The following ABI3 variants were observed in gnomAD, a reference collection of about 807,000 sequenced individuals.
ABI3 encodes the protein ABI gene family member 3.
A neutral mutation model predicts 37.0 loss-of-function variants in ABI3; 24 were observed. The ratio of observed to expected loss-of-function variants is 0.65; its 90% confidence interval spans 0.47 to 0.91. The LOEUF (loss-of-function observed/expected upper bound fraction) is 0.91, where lower values mean the gene tolerates loss of function less well. Among genes scored for constraint, ABI3 ranks in the 40% least tolerant of loss-of-function variants. ABI3 has a pLI of 0.00. For synonymous variants in ABI3, 220 were observed against 211.8 expected, an observed-to-expected ratio of 1.04 and a Z score of -0.34; for missense variants, 481 against 485.1, an observed-to-expected ratio of 0.99 and a Z score of 0.08.
chr17:49,219,650 T>C lies in ABI3; in HGVS notation c.548+25T>C. On this transcript the variant is annotated intron_variant, in intron 4 of 7. Transcript: ENST00000225941. The surrounding 1 kb of genome is among the most constrained non-coding windows in gnomAD (Gnocchi z 4.3). ...GGTGAGGCCTCGCCGCGACGCCAACTAGCCTAGCCCTGCCCCGCGCGACCC... is the reference window on the plus strand; with the variant it reads ...GGTGAGGCCTCGCCGCGACGCCAACCAGCCTAGCCCTGCCCCGCGCGACCC... The C allele has an allele frequency of 6.4e-7, 1 of 1,574,306 alleles. No individual in the cohort carries two copies. The highest frequency in any genetic ancestry group is 8.6e-7 in the Non-Finnish European group (1 of 1,157,034).
chr17:49,222,169 C>G lies in ABI3; in HGVS notation c.881C>G (p.Pro294Arg), dbSNP rs527835287. Residue 294 changes from proline (P) to arginine (R), a missense_variant, in exon 7 of 8, where the codon CCA (proline) becomes CGA (arginine). Pro to Arg is a moderately radical substitution (Grantham distance 103, BLOSUM62 -2). Coordinates refer to ENST00000225941, the MANE Select transcript of ABI3 (RefSeq NM_016428.3). ...DGDELGLPPP[P>R]PGFGPDEPSW... ...GATGAATTGGGGCTGCCTCCACCCC[C>G]ACCAGGATTTGGGCCTGATGAGCCC... 7 of 1,613,926 alleles carry G rather than the reference C, an allele frequency of 4.3e-6. No individual in the cohort carries two copies. In the South Asian group the frequency reaches 6.6e-5, roughly 15 times the overall value.
At chr17:49,215,971 C>T (rs1009770054) in intron 1 of ABI3, among the ~76,000 whole-genome samples, 2 of 151,532 alleles carry the variant, frequency 1.3e-5, no homozygotes. Context: ...ATAAGCTGGG[C>T]GTGGTGGCAC....
intron 6 of ABI3, 59 bp from the exon 7 acceptor site, chr17:49,222,032 C>G: frequency 6.6e-7 from 1 of 1,513,928 alleles, no homozygotes; most frequent in Non-Finnish European, 8.8e-7. Flanking sequence ...GAGCAGTTCC[C>G]TGACACACTG....
At chr17:49,222,332 A>C in intron 7 of ABI3, 107 bp downstream of exon 7, 1 of 1,466,818 alleles carries the variant, frequency 6.8e-7, no homozygotes, top group Non-Finnish European at 9.1e-7. Flanking sequence ...CGGGCCCCCC[A>C]CACAATTTTT....
rs750812549 is a variant in ABI3, at chr17:49,220,302, G to A, written c.778G>A (p.Glu260Lys). ...VEVFQRPPTL[E>K]ELSPPPPDEE... ...GGTGTTCCAGCGGCCTCCCACGCTG[G>A]AGGAGTTGTCCCCACCCCCACCGGG... Residue 260 changes from glutamate to lysine, a missense_variant, in exon 6 of 8, where the codon GAG becomes AAG. Physicochemically the swap from Glu to Lys is moderately conservative, Grantham distance 56. Transcript: ENST00000225941. 2 of 1,595,746 alleles carry A rather than the reference G, an allele frequency of 1.3e-6. No homozygotes were observed. Among genetic ancestry groups the A allele is most frequent in the South Asian group, 2.3e-5 (2 of 88,408 alleles).
chr17:49,220,359 G>A, intron 6 of ABI3, 33 bp downstream of exon 6: 1 of 1,538,732 alleles, frequency 6.5e-7, no homozygotes, highest in Non-Finnish European at 8.8e-7. Flanking sequence ...TCCCAACCGT[G>A]GGGTCGCTTT....
chr17:49,211,017 C>T (rs1040721638), intron 1 of ABI3, among the ~76,000 whole-genome samples, 176 bp downstream of exon 1: 47 of 152,304 alleles, frequency 3.1e-4, no homozygotes, highest in African/African-American at 8.4e-4. Flanking sequence ...ACCCTGACCC[C>T]ATACTACCCA....
Position 49,220,274 on chromosome 17 carries a change from C to A in ABI3, c.750C>A (p.Val250=), listed in dbSNP as rs375202610. Residue 250 remains valine, a synonymous_variant, in exon 6 of 8, where the codon GTC becomes GTA. Transcript: ENST00000225941. ...ACCCACCTCCTCCACCAGCAGCCGTCGAGGTGTTCCAGCGGCCTCCCACGC... is the reference window on the plus strand; with the variant it reads ...ACCCACCTCCTCCACCAGCAGCCGTAGAGGTGTTCCAGCGGCCTCCCACGC... ...SLDPPPPPAA[V]EVFQRPPTLE... 1.2e-6 allele frequency: 2 copies of A among 1,606,254 alleles called. No homozygotes were observed. The highest frequency in any genetic ancestry group is 1.7e-6 in the Non-Finnish European group (2 of 1,177,028).
intron 1 of ABI3, among the ~76,000 whole-genome samples, chr17:49,212,665 C>G (rs2043181110): frequency 6.6e-6 from 1 of 152,162 alleles, no homozygotes; most frequent in Non-Finnish European, 1.5e-5. Flanking sequence ...AGTGAGGAAG[C>G]TGAGGTTTGG....
chr17:49,211,010 C>A (rs942443115), intron 1 of ABI3, among the ~76,000 whole-genome samples, 169 bp downstream of exon 1: 2 of 152,200 alleles, frequency 1.3e-5, no homozygotes, highest in Non-Finnish European at 2.9e-5. Context: ...ATACTTAACC[C>A]TGACCCCATA....
chr17:49,215,095 G>A (rs964519099), intron 1 of ABI3, among the ~76,000 whole-genome samples: 1 of 152,232 alleles, frequency 6.6e-6, no homozygotes, highest in African/African-American at 2.4e-5. Context: ...CGTGGGCTGG[G>A]GGAAATCTTA....
At chr17:49,213,917 G>T (rs1043059723) in intron 1 of ABI3, among the ~76,000 whole-genome samples, 2 of 152,208 alleles carry the variant, frequency 1.3e-5, no homozygotes, top group Non-Finnish European at 2.9e-5. Context: ...CTCCTGTCTG[G>T]TGTTAATATC....
chr17:49,219,535 C>T lies in ABI3; in HGVS notation c.463-5C>T, dbSNP rs1157340324. ...ATGTAAGCCCTACCTCCCGCTCCCTCGCAGGACCTCAGCACGCAGCTGTCA... is the reference window on the plus strand; with the variant it reads ...ATGTAAGCCCTACCTCCCGCTCCCTTGCAGGACCTCAGCACGCAGCTGTCA... On this transcript the variant is annotated splice_polypyrimidine_tract_variant and splice_region_variant and intron_variant, in intron 3 of 7. Coordinates refer to ENST00000225941, the MANE Select transcript of ABI3 (RefSeq NM_016428.3). This position sits in a 1 kb window ranked among gnomAD's most constrained non-coding sequence, Gnocchi z 4.3. The T allele has an allele frequency of 7.5e-6, 12 of 1,598,536 alleles. No individual in the cohort carries two copies. Among genetic ancestry groups the T allele is most frequent in the South Asian group, 1.1e-5 (1 of 88,542 alleles).
chr17:49,216,754 C>T (rs570018708), intron 2 of ABI3, 56 bp downstream of exon 2: 11 of 1,365,012 alleles, frequency 8.1e-6, no homozygotes, highest in South Asian at 3.6e-5. Context: ...CTCTTCAGCC[C>T]GACTCAGACA....
At chr17:49,214,335 A>G (rs1487241476) in intron 1 of ABI3, among the ~76,000 whole-genome samples, 1 of 152,156 alleles carries the variant, frequency 6.6e-6, no homozygotes, top group Non-Finnish European at 1.5e-5. Flanking sequence ...ACCCGACCAG[A>G]GATGAGGAAG....
chr17:49,218,610 T>A lies in ABI3; in HGVS notation c.462+695T>A, dbSNP rs187804355. 7.5e-3 allele frequency among the ~76,000 whole-genome samples: 1,096 copies of A among 146,402 alleles called. 7 individuals carry two copies. Among genetic ancestry groups the A allele is most frequent in the Middle Eastern group, 0.014 (4 of 290 alleles). On this transcript the variant is annotated intron_variant, in intron 3 of 7. Coordinates refer to ENST00000225941, the MANE Select transcript of ABI3 (RefSeq NM_016428.3). ...TAGTTCTCTGTTGTCCAACTTATAT[T>A]TTTTTTTTTTGAGATGGAGTTTCGC...
chr17:49,212,312 A>G (rs1428814119), intron 1 of ABI3, among the ~76,000 whole-genome samples: 1 of 152,034 alleles, frequency 6.6e-6, no homozygotes, highest in African/African-American at 2.4e-5. Flanking sequence ...CCTACACGCT[A>G]TGTGACTTTA....
At chr17:49,213,288 G>A (rs1356621593) in intron 1 of ABI3, among the ~76,000 whole-genome samples, 1 of 152,212 alleles carries the variant, frequency 6.6e-6, no homozygotes, top group East Asian at 1.9e-4. Context: ...GGCATGAGAA[G>A]CCCTGACCCA....
intron 2 of ABI3, among the ~76,000 whole-genome samples, chr17:49,217,001 C>T (rs1250147979): frequency 2.6e-5 from 4 of 152,172 alleles, no homozygotes; most frequent in Admixed American, 2.0e-4. Flanking sequence ...CTGTTTGCAT[C>T]TAAATACAAG....
Sources: allele counts gnomAD v4.1 joint callset (sites outside exome capture counted in the v4.1 genomes callset), GRCh38; gene constraint gnomAD v4.1.1; non-coding constraint Gnocchi (gnomAD v3.1); transcripts MANE v1.5; gene names NCBI Gene and HGNC (gene_info 2026-07-23, HGNC 2026-07-21).